ZNF33A: variants seen among roughly 807,000 people sequenced by gnomAD.
ZNF33A encodes zinc finger protein 33A.
A neutral mutation model predicts 15.9 loss-of-function variants in ZNF33A; 9 were observed. The ratio of observed to expected loss-of-function variants is 0.57; its 90% CI spans 0.34 to 0.99. The LOEUF (loss-of-function observed/expected upper bound fraction) is 0.99, where lower values mean the gene tolerates loss of function less well. Ranked by LOEUF, ZNF33A falls within the 50% of genes least tolerant of loss-of-function variation. The pLI is 0.02. For synonymous variants in ZNF33A, 294 were observed against 324.2 expected (o/e 0.91, Z 1.00); for missense variants, 843 against 941.6 (o/e 0.90, Z 1.37).
intron 4 of ZNF33A, among the ~76,000 whole-genome samples, chr10:38,048,705 T>G (rs1746961022): frequency 6.6e-6 from 1 of 152,098 alleles, no homozygotes; most frequent in Admixed American, 6.5e-5. Context: ...TCGATAGAGA[T>G]CCATTCATCG....
intron 4 of ZNF33A, among the ~76,000 whole-genome samples, chr10:38,037,158 G>A (rs2065487639): frequency 2.0e-5 from 3 of 151,862 alleles, no homozygotes; most frequent in Non-Finnish European, 4.4e-5. Context: ...CTATCCCCAG[G>A]GCATGAAGAT....
intron 4 of ZNF33A, among the ~76,000 whole-genome samples, chr10:38,045,510 G>A (rs547398133): frequency 6.6e-6 from 1 of 152,162 alleles, no homozygotes; most frequent in Non-Finnish European, 1.5e-5. Context: ...TGTCTTTGAG[G>A]CTTTGAGTTT....
intron 4 of ZNF33A, among the ~76,000 whole-genome samples, chr10:38,026,906 G>A (rs565302993): frequency 6.6e-6 from 1 of 152,174 alleles, no homozygotes; most frequent in East Asian, 1.9e-4. Flanking sequence ...TTGTCTCTGT[G>A]AGTATGACTG....
intron 4 of ZNF33A, among the ~76,000 whole-genome samples, chr10:38,034,309 T>C (rs1191255596): frequency 6.6e-6 from 1 of 152,200 alleles, no homozygotes; most frequent in Non-Finnish European, 1.5e-5. Flanking sequence ...TTACATTTAG[T>C]TGTCATGTCT....
chr10:38,047,974 G>A (rs922974155), intron 4 of ZNF33A, among the ~76,000 whole-genome samples: 1 of 152,134 alleles, frequency 6.6e-6, no homozygotes, highest in African/African-American at 2.4e-5. Flanking sequence ...GTTGATAGCA[G>A]ATTTCTCCTT....
Position 38,058,096 on chromosome 10 carries a change from G to A in ZNF33A, c.*1536G>A, listed in dbSNP as rs1171024120. On this transcript the variant is annotated 3_prime_UTR_variant, in exon 5 of 5. Transcript: ENST00000432900. ...CAAGTAATCTAAGCTTCCACTTTAG[G>A]AAACTAGAAAAAGAAGAGCAAATTA... is the stretch of plus-strand genomic sequence containing the variant. The A allele has an allele frequency of 3.1e-6, 3 of 962,196 alleles. No homozygotes were observed. Among genetic ancestry groups the A allele is most frequent in the Non-Finnish European group, 3.7e-6 (3 of 809,164 alleles). The allele number at this position is 962,196 out of a possible 1,614,324, so 59.6% of individuals were successfully genotyped here.
At chr10:38,063,822 A>G (rs1042796560), downstream of ZNF33A, among the ~76,000 whole-genome samples, 15 of 151,922 alleles carry the variant, frequency 9.9e-5, no homozygotes, top group African/African-American at 3.4e-4. Flanking sequence ...TCTTTTACCT[A>G]TTTTCACCTT....
intron 4 of ZNF33A, among the ~76,000 whole-genome samples, chr10:38,040,459 T>G (rs1185227890): frequency 6.6e-6 from 1 of 152,220 alleles, no homozygotes; most frequent in African/African-American, 2.4e-5. Context: ...CAGTTTTTGC[T>G]ACACATACTT....
downstream of ZNF33A, among the ~76,000 whole-genome samples, chr10:38,061,772 C>T (rs953020183): frequency 2.6e-5 from 4 of 152,010 alleles, no homozygotes; most frequent in African/African-American, 9.7e-5. Context: ...ACTAGCCTGG[C>T]CAACATGGTG....
intron 1 of ZNF33A, 113 bp downstream of exon 1, chr10:38,010,896 G>C: frequency 7.5e-7 from 1 of 1,330,772 alleles, no homozygotes; most frequent in Admixed American, 2.1e-5. Flanking sequence ...ACCTCATAGG[G>C]GAAGGCGGGG....
At position 38,055,700 on chromosome 10, in the gene ZNF33A, G is replaced by T; in HGVS notation, c.1576G>T (p.Glu526Ter). Reference protein sequence around the residue: ...QIIHTGWKPYECYECGKTFCL... With the variant: ...QIIHTGWKPY Reference sequence around the variant, plus strand: ...AATTCATACAGGGTGGAAACCTTATGAATGTTATGAATGTGGGAAAACCTT... The same window carrying T: ...AATTCATACAGGGTGGAAACCTTATTAATGTTATGAATGTGGGAAAACCTT... The change falls in exon 5 of 5, where the codon GAA becomes TAA. Residue 526 changes from glutamate (E) to a stop codon, truncating the protein, a stop_gained. Transcript: ENST00000432900. LOFTEE classifies it low-confidence loss of function (END_TRUNC). 1 of 1,613,240 alleles carries T rather than the reference G, an allele frequency of 6.2e-7. No individual in the cohort carries two copies. Among genetic ancestry groups the T allele is most frequent in the Non-Finnish European group, 8.5e-7 (1 of 1,179,824 alleles).
intron 4 of ZNF33A, among the ~76,000 whole-genome samples, chr10:38,037,193 A>G (rs1185982978): frequency 6.6e-6 from 1 of 152,144 alleles, no homozygotes; most frequent in Non-Finnish European, 1.5e-5. Context: ...TCTTTAAGTA[A>G]TGGCTTTTAA....
At chr10:38,025,479 G>A (rs886898217) in intron 4 of ZNF33A, among the ~76,000 whole-genome samples, 24 of 152,184 alleles carry the variant, frequency 1.6e-4, no homozygotes, top group African/African-American at 5.3e-4. Flanking sequence ...TACAGGAAGA[G>A]GAAGTGAGAG....
At chr10:38,011,055 C>A (rs1283636062) in intron 1 of ZNF33A, among the ~76,000 whole-genome samples, 1 of 152,002 alleles carries the variant, frequency 6.6e-6, no homozygotes, top group South Asian at 2.1e-4. Flanking sequence ...GCGCGCTGAG[C>A]CTTGCGGGAG....
chr10:38,012,188 G>C (rs1292311848), intron 1 of ZNF33A, 110 bp from the exon 2 acceptor site: 1 of 1,060,292 alleles, frequency 9.4e-7, no homozygotes, highest in Non-Finnish European at 1.4e-6. Context: ...TACTCTCCCA[G>C]AGGAAGCATT....
downstream of ZNF33A, among the ~76,000 whole-genome samples, chr10:38,061,227 G>A (rs921668732): frequency 1.3e-5 from 2 of 152,094 alleles, no homozygotes; most frequent in African/African-American, 4.8e-5. Context: ...GGTGAGTGTG[G>A]CACTCCAGTT....
rs2066607067 is a variant in ZNF33A at position 38,059,262 on chromosome 10, G to A, written c.*2702G>A. Reference sequence around the variant, plus strand: ...AAACCCTACAGCTAACATTATCCTTGATGTTTCCAACTAGACACTTTCCTA... The same window carrying A: ...AAACCCTACAGCTAACATTATCCTTAATGTTTCCAACTAGACACTTTCCTA... On this transcript the variant is annotated 3_prime_UTR_variant, in exon 5 of 5. Transcript: ENST00000432900. The A allele has an allele frequency of 6.6e-6, 1 of 152,172 alleles. No individual in the cohort carries two copies. The highest frequency in any genetic ancestry group is 1.5e-5 in the Non-Finnish European group (1 of 68,046). The allele number at this position is 152,172 out of a possible 1,614,324, so 9.4% of individuals were successfully genotyped here.
chr10:38,010,660 G>T (rs778499042), upstream of ZNF33A: 1 of 1,568,606 alleles, frequency 6.4e-7, no homozygotes, highest in Non-Finnish European at 8.7e-7. Context: ...TGCCTCGTCC[G>T]CCGGCTACGT....
intron 4 of ZNF33A, among the ~76,000 whole-genome samples, chr10:38,034,721 CT>C (rs1341773399): frequency 3.9e-5 from 6 of 152,278 alleles, no homozygotes; most frequent in Admixed American, 2.6e-4. Flanking sequence ...AGAGCACTTT[CT>C]TTCTGTCACT....
Sources: allele counts gnomAD v4.1 joint callset (sites outside exome capture counted in the v4.1 genomes callset), GRCh38; gene constraint gnomAD v4.1.1; transcripts MANE v1.5; gene names NCBI Gene and HGNC (gene_info 2026-07-23, HGNC 2026-07-21).